STX8: variants seen among roughly 807,000 people sequenced by gnomAD.
STX8 encodes syntaxin-8.
In STX8, 23 loss-of-function variants were observed where a neutral mutation model predicts 37.5. The ratio of observed to expected loss-of-function variants is 0.61; its 90% CI spans 0.44 to 0.87. STX8 has a LOEUF of 0.87. STX8 is among the 40% of genes least tolerant of loss of function. The pLI, the probability that STX8 is intolerant of heterozygous loss-of-function variation, is 0.00. For synonymous variants in STX8, 115 were observed against 99.1 expected, an observed-to-expected ratio of 1.16 and a Z score of -0.95; for missense variants, 313 against 284.7, an observed-to-expected ratio of 1.10 and a Z score of -0.71.
chr17:9,422,055 T>C (rs1321825229), intron 6 of STX8, among the ~76,000 whole-genome samples: 2 of 152,022 alleles, frequency 1.3e-5, no homozygotes, highest in Non-Finnish European at 2.9e-5. Context: ...TGTGGAACCA[T>C]GACCCAATCA....
intron 3 of STX8, among the ~76,000 whole-genome samples, chr17:9,546,664 C>G (rs1176305463): frequency 1.5e-5 from 2 of 132,480 alleles, no homozygotes; most frequent in Non-Finnish European, 3.1e-5. Flanking sequence ...GTGGCGCGAT[C>G]TCGGCTCACT....
intron 1 of STX8, among the ~76,000 whole-genome samples, chr17:9,569,096 G>T (rs1006154546): frequency 6.6e-6 from 1 of 152,200 alleles, no homozygotes; most frequent in South Asian, 2.1e-4. Flanking sequence ...AACCAAGGCC[G>T]TCTGGCCCCA....
At chr17:9,346,263 T>A (rs185980239) in intron 7 of STX8, among the ~76,000 whole-genome samples, 29 of 152,292 alleles carry the variant, frequency 1.9e-4, no homozygotes, top group Non-Finnish European at 3.4e-4. Context: ...TGCCTTTCAG[T>A]ATCACTCTTG....
intron 6 of STX8, among the ~76,000 whole-genome samples, chr17:9,447,367 C>T (rs1273626257): frequency 1.3e-5 from 2 of 152,156 alleles, no homozygotes; most frequent in East Asian, 1.9e-4. Flanking sequence ...AAATCAAGAA[C>T]ATGTCTTTGC....
At chr17:9,265,196 T>A (rs1907193266) in intron 7 of STX8, among the ~76,000 whole-genome samples, 1 of 152,058 alleles carries the variant, frequency 6.6e-6, no homozygotes, top group African/African-American at 2.4e-5. Flanking sequence ...ACATATCCTA[T>A]TATTTTACAA....
intron 4 of STX8, among the ~76,000 whole-genome samples, chr17:9,529,217 C>T (rs954983791): frequency 4.0e-5 from 6 of 151,682 alleles, no homozygotes; most frequent in Non-Finnish European, 5.9e-5. Flanking sequence ...CTTACATCTC[C>T]ATCTTGTGGT....
rs149825010 is a variant in STX8, at chr17:9,277,924, G to A, written c.644-27279C>T. On this transcript the variant is annotated intron_variant, in intron 7 of 7. Coordinates refer to ENST00000306357, the MANE Select transcript of STX8 (RefSeq NM_004853.3). ...AGGGCCCTAGAAGCCATGGTAAGGAGTTGGATTTTATCCTAAGTACAAGGG... is the reference window on the plus strand; with the variant it reads ...AGGGCCCTAGAAGCCATGGTAAGGAATTGGATTTTATCCTAAGTACAAGGG... 9.7e-3 allele frequency among the ~76,000 whole-genome samples: 1,479 copies of A among 152,254 alleles called. 19 individuals are homozygous for A. Among genetic ancestry groups the A allele is most frequent in the Non-Finnish European group, 0.013 (898 of 68,030 alleles).
At chr17:9,319,418 C>CAAAAA (rs1909496636) in intron 7 of STX8, among the ~76,000 whole-genome samples, 1 of 151,404 alleles carries the variant, frequency 6.6e-6, no homozygotes, top group African/African-American at 2.4e-5. Flanking sequence ...GACTCTGTCT[C>CAAAAA]AAAAACAAAA....
At chr17:9,514,446 A>C (rs1206617005) in intron 4 of STX8, among the ~76,000 whole-genome samples, 3 of 152,056 alleles carry the variant, frequency 2.0e-5, no homozygotes. Context: ...CTCTACTAAA[A>C]ACACAAAAAT....
At chr17:9,462,316 C>T (rs1905423435) in intron 6 of STX8, among the ~76,000 whole-genome samples, 1 of 152,170 alleles carries the variant, frequency 6.6e-6, no homozygotes, top group Non-Finnish European at 1.5e-5. Context: ...CTAATGAAGA[C>T]AAACTCACTT....
chr17:9,355,332 CTT>C (rs57991262), intron 7 of STX8, among the ~76,000 whole-genome samples: 10 of 116,238 alleles, frequency 8.6e-5, no homozygotes, highest in Non-Finnish European at 1.1e-4. Flanking sequence ...CTTTGTGGAA[CTT>C]TTTTTTTTTT....
At chr17:9,493,712 C>T (rs1305047046) in intron 5 of STX8, among the ~76,000 whole-genome samples, 3 of 152,212 alleles carry the variant, frequency 2.0e-5, no homozygotes, top group African/African-American at 4.8e-5. Flanking sequence ...CCTGCTAGTT[C>T]TGTTTTGAGA....
chr17:9,259,113 C>T (rs1174223260), intron 7 of STX8, among the ~76,000 whole-genome samples: 1 of 152,202 alleles, frequency 6.6e-6, no homozygotes, highest in Non-Finnish European at 1.5e-5. Flanking sequence ...TCAAGAAGAC[C>T]TGACTTCTAA....
chr17:9,295,752 C>A (rs113002844), intron 7 of STX8, among the ~76,000 whole-genome samples: 19 of 150,438 alleles, frequency 1.3e-4, no homozygotes, highest in East Asian at 4.0e-4. Context: ...CCCTCCCCCC[C>A]AAAAAAAGGA....
chr17:9,405,411 T>A (rs1213776717), intron 6 of STX8, among the ~76,000 whole-genome samples: 1 of 152,094 alleles, frequency 6.6e-6, no homozygotes, highest in Non-Finnish European at 1.5e-5. Context: ...CCCCTACTGG[T>A]AAGGTACTCC....
At chr17:9,471,171 T>TTTGG (rs1905849155) in intron 6 of STX8, among the ~76,000 whole-genome samples, 2 of 138,248 alleles carry the variant, frequency 1.4e-5, no homozygotes, top group Non-Finnish European at 3.1e-5. Flanking sequence ...TTTTTTTTTT[T>TTTGG]GAGACAGTCT....
chr17:9,324,447 G>C lies in STX8; in HGVS notation c.643+54105C>G, dbSNP rs76313285. Among the ~76,000 whole-genome samples the C allele has an allele frequency of 4.9e-3, 743 of 152,058 alleles. 7 individuals are homozygous for C. The highest frequency in any genetic ancestry group is 0.017 in the African/African-American group (689 of 41,478). On this transcript the variant is annotated intron_variant, in intron 7 of 7. Coordinates refer to ENST00000306357, the MANE Select transcript of STX8 (RefSeq NM_004853.3). ...GAGCTCCTGGTGCGCAGTGTGATGG[G>C]GTGTAAAGAAAGGGAAACCTAAGAG...
intron 1 of STX8, among the ~76,000 whole-genome samples, chr17:9,573,077 A>ACC (rs1907745170): frequency 2.5e-5 from 1 of 40,126 alleles, no homozygotes; most frequent in African/African-American, 8.7e-5. Flanking sequence ...GCCCACCCCC[A>ACC]ACACCCCCCC....
In STX8 at chr17:9,505,092, T is replaced by C; in HGVS notation, c.394A>G (p.Thr132Ala). ...NPWLFEEPEE[T>A]RGLGFDEIRQ... is the part of the protein sequence containing the mutation. ...ATTTCATCAAAACCCAAGCCTCTGG[T>C]CTCCTCTGGCTCCTCAAAGAGCCAA... The change falls in exon 5 of 8, where the codon ACC (threonine) becomes GCC (alanine). Residue 132 changes from threonine (T) to alanine (A), a missense_variant. By Grantham distance (58) the Thr-to-Ala change is moderately conservative. Coordinates refer to ENST00000306357, the MANE Select transcript of STX8 (RefSeq NM_004853.3). The C allele has an allele frequency of 6.2e-7, 1 of 1,613,548 alleles. No individual in the cohort carries two copies. The highest frequency in any genetic ancestry group is 1.7e-4 in the Middle Eastern group (1 of 6,058).
Sources: gnomAD v4.1 joint callset for allele counts (sites outside exome capture counted in the v4.1 genomes callset) on GRCh38, gnomAD v4.1.1 for gene constraint, MANE v1.5 for transcripts, NCBI Gene and HGNC (gene_info 2026-07-23, HGNC 2026-07-21) for gene names.